The following NOL11 variants were observed in gnomAD, a reference collection of about 807,000 sequenced individuals.
NOL11 encodes the protein nucleolar protein 11.
NOL11 carries 42 observed loss-of-function variants against 93.0 expected under a neutral mutation model. The ratio of observed to expected loss-of-function variants is 0.45; its 90% CI spans 0.35 to 0.58. NOL11 has a LOEUF of 0.58. NOL11 is among the 20% of genes least tolerant of loss of function. The pLI, the probability that NOL11 is intolerant of heterozygous loss-of-function variation, is 0.00. For missense variants in NOL11, 775 were observed against 841.8 expected (o/e 0.92, Z 0.98); for synonymous variants, 296 against 293.7 (o/e 1.01, Z -0.08).
At chr17:67,737,733 T>C in intron 12 of NOL11, 41 bp downstream of exon 12, 1 of 1,588,392 alleles carries the variant, frequency 6.3e-7, no homozygotes, top group Non-Finnish European at 8.6e-7. Flanking sequence ...GCATAATTCT[T>C]CTGACCTTGT....
chr17:67,739,444 T>G, intron 15 of NOL11, 72 bp from the exon 16 acceptor site: 2 of 877,706 alleles, frequency 2.3e-6, no homozygotes, highest in Non-Finnish European at 3.6e-6. Context: ...TTTTTCAATC[T>G]TCGTGATGGG....
intron 5 of NOL11, 45 bp downstream of exon 5, chr17:67,722,682 T>A: frequency 8.5e-6 from 11 of 1,295,568 alleles, no homozygotes; most frequent in East Asian, 5.7e-5. Context: ...GAAATTTCTT[T>A]AAAAAAAAAA....
At chr17:67,729,193 C>T (rs2055128239) in intron 7 of NOL11, among the ~76,000 whole-genome samples, 1 of 152,046 alleles carries the variant, frequency 6.6e-6, no homozygotes, top group East Asian at 1.9e-4. Flanking sequence ...CTCCCAGGTT[C>T]AAGCGATTCT....
In NOL11 at chr17:67,732,439, C is replaced by G. The variant is rs150994272; in HGVS notation, c.854-1924C>G. On this transcript the variant is annotated intron_variant, in intron 7 of 17. Transcript: ENST00000253247. ...CCGAGAGGTGGAGGTTGCGGTGAGC[C>G]AAGATCACACCACTGCACTCCAGCC... 1.9e-3 allele frequency among the ~76,000 whole-genome samples: 254 copies of G among 136,166 alleles called. 2 individuals are homozygous for G. The East Asian group carries it at 0.022, about 12-fold the overall frequency. The allele number at this position is 136,166 out of a possible 152,430, so 89.3% of individuals were successfully genotyped here. A position where few individuals can be genotyped will look rare whatever the true frequency, so the allele number is the denominator to read the frequency against.
At position 67,717,952 on chromosome 17, in the gene NOL11, C is replaced by T. The variant is rs1284414054; in HGVS notation, c.5C>T (p.Ala2Val). 4 of 1,613,964 alleles carry T rather than the reference C, an allele frequency of 2.5e-6. No homozygotes were observed. The highest frequency in any genetic ancestry group is 1.3e-5 in the African/African-American group (1 of 74,942). MAALEEEFTLSS... is the reference protein window; with the variant it reads MVALEEEFTLSS... ...CCGTACTTAGGTTTGCTCAAAATGG[C>T]AGCGCTGGAGGAAGAATTCACGTTG... Residue 2 changes from alanine (A) to valine (V), a missense_variant, in exon 1 of 18, where the codon GCA becomes GTA. Transcript: ENST00000253247.
rs781328429 is a variant in NOL11 at position 67,737,097 on chromosome 17, T to C, written c.1170T>C (p.Ser390=). ...RILRRRKIEV[S]LQPEVPPSKQ... ...TAAGGAGACGAAAAATTGAAGTGAG[T>C]TTACAGCCAGAGGTTCCACCATCCA... Residue 390 remains serine, a synonymous_variant, in exon 11 of 18, where the codon AGT becomes AGC. Coordinates refer to ENST00000253247, the MANE Select transcript of NOL11 (RefSeq NM_015462.5). 17 of 1,610,974 alleles carry C rather than the reference T, an allele frequency of 1.1e-5. No homozygotes were observed. Among genetic ancestry groups the C allele is most frequent in the Non-Finnish European group, 1.3e-5 (15 of 1,177,456 alleles).
intron 15 of NOL11, among the ~76,000 whole-genome samples, chr17:67,739,303 C>T (rs1369871077): frequency 6.6e-6 from 1 of 152,158 alleles, no homozygotes; most frequent in Non-Finnish European, 1.5e-5. Flanking sequence ...CTATTATTTA[C>T]AAACAATGAG....
intron 8 of NOL11, among the ~76,000 whole-genome samples, chr17:67,735,378 T>A (rs542708823): frequency 6.7e-6 from 1 of 149,780 alleles, no homozygotes; most frequent in East Asian, 2.0e-4. Context: ...CACAATTTTT[T>A]ATTGTGAATA....
Position 67,739,143 on chromosome 17 carries a change from G to T in NOL11, c.1842+133G>T, listed in dbSNP as rs1050692440. 1.2e-4 allele frequency: 80 copies of T among 671,968 alleles called. No individual in the cohort carries two copies. In the East Asian group the frequency reaches 2.0e-3, roughly 17 times the overall value. The allele number at this position is 671,968 out of a possible 1,614,324, so 41.6% of individuals were successfully genotyped here. ...GAATAAGAGGTTGCCCAGCTCTAAT[G>T]GCAAAAAATTGTGCTGAGAAAACTA... is the stretch of plus-strand genomic sequence containing the variant. On this transcript the variant is annotated intron_variant, in intron 15 of 17. Coordinates refer to ENST00000253247, the MANE Select transcript of NOL11 (RefSeq NM_015462.5).
chr17:67,726,571 C>T lies in NOL11; in HGVS notation c.776C>T (p.Ala259Val). 6.2e-7 allele frequency: 1 copy of T among 1,614,128 alleles called. No homozygotes were observed. Among genetic ancestry groups the T allele is most frequent in the Non-Finnish European group, 8.5e-7 (1 of 1,180,014 alleles). Residue 259 changes from alanine to valine, a missense_variant, in exon 7 of 18, where the codon GCT (alanine) becomes GTT (valine). Ala to Val is a moderately conservative substitution (Grantham distance 64, BLOSUM62 0). Transcript: ENST00000253247. ...LLLKAVVSGN[A>V]RNGVALTALD... ...CTCAAGGCTGTTGTATCTGGTAACG[C>T]TCGAAATGGAGTTGCACTCACTGCC...
rs146115629 is a variant in NOL11 at position 67,736,734 on chromosome 17, T to C, written c.1123T>C (p.Ser375Pro). Residue 375 changes from serine to proline, a missense_variant, in exon 10 of 18, where the codon TCA (serine) becomes CCA (proline). This residue lies in a region of NOL11 where 416 missense variants were observed against 525.2 expected (regional missense o/e 0.79). Transcript: ENST00000253247. ...PQGCGLGFQN[S>P]EQSRRILRRR... is the part of the protein sequence containing the mutation. ...AGGATGTGGACTTGGGTTCCAGAAC[T>C]CAGAGCAGTCAAGAAGAATTGTAAG... 50 of 1,612,202 alleles carry C rather than the reference T, an allele frequency of 3.1e-5. No homozygotes were observed. The African/African-American group carries it at 5.7e-4, about 18-fold the overall frequency.
chr17:67,740,473 G>A lies in NOL11; in HGVS notation c.1935+865G>A, dbSNP rs557941055. Among the ~76,000 whole-genome samples the A allele has an allele frequency of 1.4e-4, 22 of 151,972 alleles. No homozygotes were observed. The South Asian group carries it at 4.6e-3, about 32-fold the overall frequency. ...AAAAATACAAAATTAGCCAGGTGTG[G>A]TGGCATATGCCTGTAATCTCAGCTA... On this transcript the variant is annotated intron_variant, in intron 16 of 17. Transcript: ENST00000253247.
chr17:67,728,379 T>TC (rs1336622632), intron 7 of NOL11, among the ~76,000 whole-genome samples: 1 of 152,200 alleles, frequency 6.6e-6, no homozygotes, highest in Non-Finnish European at 1.5e-5. Flanking sequence ...GTTGTTACTA[T>TC]CCCCCTTTAC....
chr17:67,741,631 G>C (rs1031917473), intron 16 of NOL11, among the ~76,000 whole-genome samples: 2 of 151,832 alleles, frequency 1.3e-5, no homozygotes, highest in Non-Finnish European at 1.5e-5. Context: ...GAGTGCAGTG[G>C]TGCGATCTTG....
At chr17:67,724,332 CTT>C (rs34287872) in intron 6 of NOL11, 139 bp downstream of exon 6, 22,591 of 248,876 alleles carry the variant, frequency 0.091, 194 homozygotes, top group African/African-American at 0.16. Flanking sequence ...CATGCCTTCA[CTT>C]TTTTTTTTTT....
At chr17:67,728,465 C>T (rs1200804183) in intron 7 of NOL11, among the ~76,000 whole-genome samples, 1 of 152,072 alleles carries the variant, frequency 6.6e-6, no homozygotes, top group Non-Finnish European at 1.5e-5. Context: ...CTCTGTTAAG[C>T]CATGTACCCT....
chr17:67,739,441 A>G lies in NOL11; in HGVS notation c.1843-75A>G, dbSNP rs933720680. The G allele has an allele frequency of 7.1e-5, 60 of 843,884 alleles. 2 individuals carry two copies. The Admixed American group carries it at 1.6e-3, about 22-fold the overall frequency. The allele number at this position is 843,884 out of a possible 1,614,324, so 52.3% of individuals were successfully genotyped here. On this transcript the variant is annotated intron_variant, in intron 15 of 17. Transcript: ENST00000253247. ...ATGTATAAATTGAACATTTTTTTCA[A>G]TCTTCGTGATGGGTTTATATAATAG...
At chr17:67,723,652 G>T (rs2055057165) in intron 5 of NOL11, among the ~76,000 whole-genome samples, 1 of 151,802 alleles carries the variant, frequency 6.6e-6, no homozygotes, top group Admixed American at 6.6e-5. Context: ...CTCCCAAAGT[G>T]CTGGTATTAC....
chr17:67,719,765 A>C lies in NOL11; in HGVS notation c.233A>C (p.Tyr78Ser), dbSNP rs369265180. The C allele has an allele frequency of 2.1e-5, 33 of 1,606,368 alleles. No individual in the cohort carries two copies. The African/African-American group carries it at 3.7e-4, about 18-fold the overall frequency. ...PAVCNFQTGEYVVVHDNKVLR... is the reference protein window; with the variant it reads ...PAVCNFQTGESVVVHDNKVLR... The stretch of plus-strand genomic sequence containing the variant: ...GTGTGCAACTTTCAAACTGGAGAGT[A>C]TGTTGTTGTACACGATAATAAGGTG... Residue 78 changes from tyrosine to serine, a missense_variant, in exon 2 of 18, where the codon TAT becomes TCT. Coordinates refer to ENST00000253247, the MANE Select transcript of NOL11 (RefSeq NM_015462.5).
Sources: gnomAD v4.1 joint callset for allele counts (sites outside exome capture counted in the v4.1 genomes callset) on GRCh38, gnomAD v4.1.1 for gene constraint, gnomAD v4.1.1 regional missense constraint, MANE v1.5 for transcripts, NCBI Gene and HGNC (gene_info 2026-07-23, HGNC 2026-07-21) for gene names.